MYLK: variants seen among roughly 807,000 people sequenced by gnomAD.
The protein encoded by MYLK is myosin light chain kinase, smooth muscle.
MYLK carries 106 observed loss-of-function variants against 203.4 expected under a neutral mutation model. The ratio of observed to expected loss-of-function variants is 0.52; its 90% CI spans 0.45 to 0.61. The LOEUF (loss-of-function observed/expected upper bound fraction) is 0.61. Ranked by LOEUF, MYLK falls within the 20% of genes least tolerant of loss-of-function variation. MYLK has a pLI of 0.00. For synonymous variants in MYLK, 867 were observed against 959.5 expected (o/e 0.90, Z 1.78); for missense variants, 2,072 against 2,442.3 (o/e 0.85, Z 3.20).
At chr3:123,680,398 A>G (rs1414577488) in intron 20 of MYLK, among the ~76,000 whole-genome samples, 1 of 152,174 alleles carries the variant, frequency 6.6e-6, no homozygotes, top group Admixed American at 6.5e-5. Flanking sequence ...CCCAATTCAC[A>G]GCCCCTGGTG....
intron 4 of MYLK, among the ~76,000 whole-genome samples, chr3:123,780,138 A>C (rs2109026475): frequency 6.6e-6 from 1 of 152,296 alleles, no homozygotes; most frequent in Middle Eastern, 3.4e-3. Context: ...ATCTTGTTTA[A>C]AATTTATTTT....
In MYLK at chr3:123,734,225, G is replaced by T. The variant is rs1576782513; in HGVS notation, c.774-3C>A. 6.8e-7 allele frequency: 1 copy of T among 1,469,924 alleles called. No individual in the cohort carries two copies. Among genetic ancestry groups the T allele is most frequent in the Non-Finnish European group, 9.0e-7 (1 of 1,108,164 alleles). 91.1% of individuals were successfully genotyped at this position (1,469,924 alleles called of 1,614,324 possible). A position where few individuals can be genotyped will look rare whatever the true frequency, so the allele number is the denominator to read the frequency against. Reference sequence around the variant, plus strand: ...CTTTTGTTTCTCTCACAAATGACCTGTGTGGTGGTGAGGGTGGGGGTAGGG... The same window carrying T: ...CTTTTGTTTCTCTCACAAATGACCTTTGTGGTGGTGAGGGTGGGGGTAGGG... On this transcript the variant is annotated splice_region_variant and splice_polypyrimidine_tract_variant and intron_variant, in intron 9 of 33. Transcript: ENST00000360304.
In MYLK at chr3:123,638,201, C is replaced by T. The variant is rs377561378; in HGVS notation, c.4838-7G>A. 8.6e-5 allele frequency: 138 copies of T among 1,613,522 alleles called. No homozygotes were observed. The highest frequency in any genetic ancestry group is 1.1e-4 in the Non-Finnish European group (133 of 1,180,020). On this transcript the variant is annotated splice_polypyrimidine_tract_variant and splice_region_variant and intron_variant, in intron 28 of 33. Coordinates refer to ENST00000360304, the MANE Select transcript of MYLK (RefSeq NM_053025.4). ...TTCAGAGACCCCGCATTCTCTGAAA[C>T]CAGGATGGAGAGGGATAAATTGCCA...
intron 24 of MYLK, among the ~76,000 whole-genome samples, chr3:123,653,962 C>A (rs115814654): frequency 6.6e-6 from 1 of 151,422 alleles, no homozygotes; most frequent in Non-Finnish European, 1.5e-5. Context: ...ATGCAGCCCC[C>A]ACTCTGCTCA....
intron 19 of MYLK, 62 bp downstream of exon 19, chr3:123,692,673 G>C (rs2060725235): frequency 7.8e-7 from 1 of 1,286,564 alleles, no homozygotes; most frequent in Non-Finnish European, 1.1e-6. Flanking sequence ...TGGTAAGGAA[G>C]GGAGGGGCTG....
rs2108577595 is a variant in MYLK, at chr3:123,700,164, G to C, written c.3304C>G (p.Gln1102Glu). 2 of 1,613,888 alleles carry C rather than the reference G, an allele frequency of 1.2e-6. No individual in the cohort carries two copies. Among genetic ancestry groups the C allele is most frequent in the East Asian group, 4.5e-5 (2 of 44,832 alleles). ...ESQGTAPAFK[Q>E]KLQDVHVAEG... ...GCCACATGAACATCTTGCAGCTTCTGCTTGAAGGCTGGGGCTGTCCCCTGG... is the reference window on the plus strand; with the variant it reads ...GCCACATGAACATCTTGCAGCTTCTCCTTGAAGGCTGGGGCTGTCCCCTGG... The change falls in exon 18 of 34, where the codon CAG becomes GAG. Residue 1102 changes from glutamine (Q) to glutamate (E), a missense_variant. Physicochemically the swap from Gln to Glu is conservative, Grantham distance 29 (BLOSUM62 2). Transcript: ENST00000360304.
chr3:123,701,590 G>T, intron 16 of MYLK, 81 bp from the exon 17 acceptor site: 1 of 1,438,728 alleles, frequency 7.0e-7, no homozygotes, highest in Non-Finnish European at 9.8e-7. Context: ...ATCACAGGCT[G>T]CTGGCCAGCG....
intron 1 of MYLK, among the ~76,000 whole-genome samples, chr3:123,877,586 AC>A (rs1312186880): frequency 6.6e-6 from 1 of 152,218 alleles, no homozygotes; most frequent in Non-Finnish European, 1.5e-5. Flanking sequence ...CTATTGGGTA[AC>A]ATCAGTAGCA....
At chr3:123,754,528 G>A (rs1026069262) in intron 4 of MYLK, among the ~76,000 whole-genome samples, 5 of 152,214 alleles carry the variant, frequency 3.3e-5, no homozygotes, top group Non-Finnish European at 5.9e-5. Context: ...TGTGAACAAT[G>A]CCTGAAGCCA....
At chr3:123,696,789 C>G (rs906881878) in intron 18 of MYLK, among the ~76,000 whole-genome samples, 5 of 152,232 alleles carry the variant, frequency 3.3e-5, no homozygotes, top group African/African-American at 1.2e-4. Context: ...ACCAAAACCC[C>G]TAAACTGAGC....
At chr3:123,823,278 C>A (rs1299648089) in intron 3 of MYLK, among the ~76,000 whole-genome samples, 3 of 152,288 alleles carry the variant, frequency 2.0e-5, no homozygotes, top group East Asian at 3.9e-4. Flanking sequence ...GTGATCTCCA[C>A]ACACATTTCT....
At chr3:123,745,866 A>G (rs973801206) in intron 5 of MYLK, among the ~76,000 whole-genome samples, 1 of 152,020 alleles carries the variant, frequency 6.6e-6, no homozygotes, top group African/African-American at 2.4e-5. Context: ...TTTATTTTTT[A>G]CGTATTTTTG....
intron 2 of MYLK, among the ~76,000 whole-genome samples, chr3:123,848,212 T>C (rs2148661075): frequency 6.6e-6 from 1 of 151,290 alleles, no homozygotes; most frequent in Admixed American, 6.6e-5. Context: ...TCAGGAGTTA[T>C]ATTTCCATTT....
chr3:123,712,287 G>C (rs1314337413), intron 13 of MYLK, among the ~76,000 whole-genome samples: 1 of 152,218 alleles, frequency 6.6e-6, no homozygotes, highest in African/African-American at 2.4e-5. Context: ...TGCCTCGGGA[G>C]AGTTGAGGAA....
intron 18 of MYLK, 78 bp downstream of exon 18, chr3:123,699,942 A>G: frequency 1.3e-6 from 2 of 1,598,694 alleles, no homozygotes; most frequent in Non-Finnish European, 1.7e-6. Flanking sequence ...AACAGGGGTC[A>G]GCGAGACCAA....
At chr3:123,868,125 C>T (rs2032463724) in intron 2 of MYLK, among the ~76,000 whole-genome samples, 1 of 152,196 alleles carries the variant, frequency 6.6e-6, no homozygotes, top group South Asian at 2.1e-4. Flanking sequence ...TATATGCCCT[C>T]TGATGGGCTG....
At chr3:123,789,333 C>CG (rs2064678289) in intron 4 of MYLK, among the ~76,000 whole-genome samples, 1 of 152,154 alleles carries the variant, frequency 6.6e-6, no homozygotes, top group Non-Finnish European at 1.5e-5. Flanking sequence ...CCTTTGACCC[C>CG]GCCCCCCCAG....
intron 24 of MYLK, 132 bp downstream of exon 24, chr3:123,656,994 C>A (rs909554990): frequency 1.9e-6 from 2 of 1,035,712 alleles, no homozygotes; most frequent in Admixed American, 1.9e-5. Flanking sequence ...GAAACCAAGA[C>A]CCCAAAAGAC....
At chr3:123,802,648 G>A (rs138610027) in intron 3 of MYLK, among the ~76,000 whole-genome samples, 120 of 152,308 alleles carry the variant, frequency 7.9e-4, no homozygotes, top group Middle Eastern at 3.4e-3. Flanking sequence ...CTAACCTCAC[G>A]CACAGTGTGA....
Sources: gnomAD v4.1 joint callset for allele counts (sites outside exome capture counted in the v4.1 genomes callset) on GRCh38, gnomAD v4.1.1 for gene constraint, MANE v1.5 for transcripts, NCBI Gene and HGNC (gene_info 2026-07-23, HGNC 2026-07-21) for gene names.